The following KIF25 variants were observed in gnomAD, a reference collection of about 807,000 sequenced individuals.
KIF25 encodes kinesin family member 25, also known as kinesin-like protein KIF25.
In KIF25, 19 loss-of-function variants were observed where a neutral mutation model predicts 32.9. The ratio of observed to expected loss-of-function variants is 0.58; its 90% CI spans 0.40 to 0.85. KIF25 has a LOEUF of 0.85. Ranked by LOEUF, KIF25 falls within the 40% of genes least tolerant of loss-of-function variation. The pLI, the probability that KIF25 is intolerant of heterozygous loss-of-function variation, is 0.00. For synonymous variants in KIF25, 225 were observed against 213.7 expected (o/e 1.05, Z -0.46); for missense variants, 485 against 507.0 (o/e 0.96, Z 0.42).
At chr6:168,030,969 T>C in intron 7 of KIF25, 122 bp downstream of exon 7, 1 of 696,090 alleles carries the variant, frequency 1.4e-6, no homozygotes, top group Admixed American at 3.3e-5. Flanking sequence ...CTGCAGAGCA[T>C]GCCCATGGGT....
intron 2 of KIF25, among the ~76,000 whole-genome samples, chr6:167,999,807 G>T (rs191571020): frequency 2.0e-5 from 3 of 152,170 alleles, no homozygotes; most frequent in African/African-American, 7.2e-5. Flanking sequence ...AAAATTATCT[G>T]AAGTTCATTT....
intron 5 of KIF25, among the ~76,000 whole-genome samples, chr6:168,025,317 C>T (rs1798845096): frequency 6.6e-6 from 1 of 152,194 alleles, no homozygotes; most frequent in African/African-American, 2.4e-5. Flanking sequence ...TCCAACTTCT[C>T]ATTTCCCGCT....
intron 1 of KIF25, 44 bp from the exon 2 acceptor site, chr6:167,999,048 G>T (rs959340228): frequency 3.0e-4 from 45 of 152,272 alleles, no homozygotes; most frequent in African/African-American, 1.1e-3. Flanking sequence ...CAAGACTCTG[G>T]CTCAAAAAAT....
At chr6:168,015,538 C>T (rs1273713254) in intron 4 of KIF25, among the ~76,000 whole-genome samples, 1 of 152,196 alleles carries the variant, frequency 6.6e-6, no homozygotes, top group African/African-American at 2.4e-5. Flanking sequence ...CCATGCGTCC[C>T]CCATGCAGTT....
Position 168,042,581 on chromosome 6 carries a change from T to C in KIF25, c.850T>C (p.Leu284=), listed in dbSNP as rs1182016585. The C allele has an allele frequency of 6.2e-6, 10 of 1,613,738 alleles. 1 individual carries two copies. In the East Asian group the frequency reaches 2.2e-4, roughly 36 times the overall value. Residue 284 remains leucine, a synonymous_variant, in exon 12 of 13, where the codon TTG becomes CTG. Coordinates refer to ENST00000643607, the MANE Select transcript of KIF25 (RefSeq NM_030615.4). ...TCCAGGTGTGTCTGGAGTGACCGGG[T>C]TGGCCCTGAGGGAGATGGCGTGCAT... ...ECVGVSGVTG[L]ALREMACISR...
chr6:168,033,819 T>C, intron 7 of KIF25, 63 bp from the exon 8 acceptor site: 1 of 1,552,982 alleles, frequency 6.4e-7, no homozygotes, highest in Non-Finnish European at 8.8e-7. Context: ...AGTGAAAATT[T>C]TTCCTGGAAT....
chr6:168,031,006 C>G (rs531813759), intron 7 of KIF25, among the ~76,000 whole-genome samples, 159 bp downstream of exon 7: 2 of 152,116 alleles, frequency 1.3e-5, no homozygotes, highest in Non-Finnish European at 2.9e-5. Flanking sequence ...CACTTGCATC[C>G]GTGGAGACTA....
intron 5 of KIF25, among the ~76,000 whole-genome samples, chr6:168,024,857 C>T (rs1472532684): frequency 6.6e-6 from 1 of 152,008 alleles, no homozygotes; most frequent in African/African-American, 2.4e-5. Flanking sequence ...TCGAGACCAG[C>T]CTGGTCAACA....
intron 7 of KIF25, 127 bp downstream of exon 7, chr6:168,030,974 A>T (rs967125769): frequency 1.5e-6 from 1 of 669,248 alleles, no homozygotes; most frequent in African/African-American, 1.9e-5. Context: ...GAGCATGCCC[A>T]TGGGTCACCC....
chr6:168,018,094 A>T (rs1204094102), intron 5 of KIF25, 54 bp downstream of exon 5: 1 of 152,504 alleles, frequency 6.6e-6, no homozygotes, highest in East Asian at 1.9e-4. Context: ...AAAAATACAA[A>T]TTTTGCATTG....
At chr6:168,037,614 C>G (rs959404392) in intron 8 of KIF25, among the ~76,000 whole-genome samples, 1 of 151,822 alleles carries the variant, frequency 6.6e-6, no homozygotes, top group South Asian at 2.1e-4. Flanking sequence ...TTAGCACTCA[C>G]CCATTTCTTG....
intron 5 of KIF25, among the ~76,000 whole-genome samples, chr6:168,027,581 T>G (rs1466992807): frequency 6.6e-6 from 1 of 151,944 alleles, no homozygotes; most frequent in African/African-American, 2.4e-5. Context: ...CACAGGAGCC[T>G]TGGGTGTGGC....
intron 4 of KIF25, among the ~76,000 whole-genome samples, chr6:168,016,330 C>T (rs893247544): frequency 1.3e-5 from 2 of 152,242 alleles, no homozygotes; most frequent in Non-Finnish European, 2.9e-5. Context: ...AGTAAATACT[C>T]AGCAGAGACA....
At chr6:168,034,609 G>T (rs1346237833) in intron 8 of KIF25, among the ~76,000 whole-genome samples, 1 of 152,150 alleles carries the variant, frequency 6.6e-6, no homozygotes, top group Admixed American at 6.5e-5. Flanking sequence ...CCTTAGGCAG[G>T]GGTGGAGGTG....
rs992328990 is a variant in KIF25, at chr6:168,001,375, A to C, written c.-369-1168A>C. On this transcript the variant is annotated intron_variant, in intron 2 of 12. Transcript: ENST00000643607. ...GCTCAGCCTGTAGTTAATGGCCCCC[A>C]GCGGTGATCAGCTTTCCTGAACTTG... Among the ~76,000 whole-genome samples the C allele has an allele frequency of 1.3e-5, 2 of 152,236 alleles. 1 individual carries two copies. The highest frequency in any genetic ancestry group is 4.8e-5 in the African/African-American group (2 of 41,474).
At chr6:168,035,730 G>A (rs1414583335) in intron 8 of KIF25, 4 of 456,010 alleles carry the variant, frequency 8.8e-6, no homozygotes, top group African/African-American at 8.0e-5. Flanking sequence ...GGTGCTGTGC[G>A]TCTCCCTCCA....
intron 6 of KIF25, 128 bp downstream of exon 6, chr6:168,029,805 ATC>A: frequency 8.2e-7 from 1 of 1,222,284 alleles, no homozygotes; most frequent in Non-Finnish European, 1.1e-6. Context: ...GTTAAAAAAG[ATC>A]TCAGCCCTGA....
At chr6:168,011,425 T>C (rs1460557986) in intron 4 of KIF25, among the ~76,000 whole-genome samples, 1 of 152,204 alleles carries the variant, frequency 6.6e-6, no homozygotes, top group Admixed American at 6.5e-5. Context: ...CTGTGAAAGA[T>C]TTTATTTTTC....
chr6:167,998,963 A>T (rs1479116361), intron 1 of KIF25, 93 bp downstream of exon 1: 1 of 152,240 alleles, frequency 6.6e-6, no homozygotes, highest in Non-Finnish European at 1.5e-5. Flanking sequence ...GAGGCAGGAG[A>T]ATCACTTGAA....
Sources: gnomAD v4.1 joint callset for allele counts (sites outside exome capture counted in the v4.1 genomes callset) on GRCh38, gnomAD v4.1.1 for gene constraint, MANE v1.5 for transcripts, NCBI Gene and HGNC (gene_info 2026-07-23, HGNC 2026-07-21) for gene names.